The following KCNMA1 variants were observed in gnomAD, a reference collection of about 807,000 sequenced individuals.
KCNMA1 encodes Calcium-activated potassium channel subunit alpha-1.
KCNMA1 carries 29 observed loss-of-function variants against 140.0 expected under a neutral mutation model. The observed-to-expected ratio is 0.21, with a 90% CI of 0.15 to 0.28. KCNMA1 has a LOEUF of 0.28. Ranked by LOEUF, KCNMA1 falls within the 10% of genes least tolerant of loss-of-function variation. KCNMA1 has a pLI of 1.00. For synonymous variants in KCNMA1, 612 were observed against 611.9 expected, an observed-to-expected ratio of 1.00 and a Z score of 0.00; for missense variants, 880 against 1,602.2, an observed-to-expected ratio of 0.55 and a Z score of 7.70.
intron 1 of KCNMA1, among the ~76,000 whole-genome samples, chr10:77,430,940 A>G (rs528938588): frequency 7.2e-5 from 11 of 152,282 alleles, no homozygotes; most frequent in African/African-American, 1.7e-4. Flanking sequence ...CACCAACACA[A>G]TAAAGCCTCC....
At chr10:77,429,332 C>A (rs1160915940) in intron 1 of KCNMA1, among the ~76,000 whole-genome samples, 1 of 152,166 alleles carries the variant, frequency 6.6e-6, no homozygotes, top group East Asian at 1.9e-4. Context: ...GGGAGGCTGT[C>A]CTGTATATTG....
At chr10:77,324,429 T>C (rs2083272490) in intron 2 of KCNMA1, among the ~76,000 whole-genome samples, 1 of 152,160 alleles carries the variant, frequency 6.6e-6, no homozygotes, top group African/African-American at 2.4e-5. Context: ...AGAGCCTAGG[T>C]CTTAGCTTCT....
chr10:77,567,985 A>G (rs2069008167), intron 1 of KCNMA1, among the ~76,000 whole-genome samples: 1 of 152,252 alleles, frequency 6.6e-6, no homozygotes, highest in Non-Finnish European at 1.5e-5. Context: ...AAAATCTAGA[A>G]GAAATGGATA....
At chr10:76,977,620 G>T (rs1425595121) in intron 19 of KCNMA1, 2 of 702,854 alleles carry the variant, frequency 2.8e-6, no homozygotes, top group South Asian at 1.5e-5. Flanking sequence ...TCTCCACAAA[G>T]AACAATGTTC....
At chr10:77,251,562 T>C (rs2059669432) in intron 2 of KCNMA1, among the ~76,000 whole-genome samples, 1 of 152,176 alleles carries the variant, frequency 6.6e-6, no homozygotes, top group Non-Finnish European at 1.5e-5. Flanking sequence ...TTGATAAACT[T>C]CAGTGGGAAA....
intron 3 of KCNMA1, among the ~76,000 whole-genome samples, chr10:77,245,030 A>G (rs1373059082): frequency 1.3e-5 from 2 of 152,144 alleles, no homozygotes; most frequent in South Asian, 4.1e-4. Flanking sequence ...GCCTGGCAAT[A>G]AAAATGTCAG....
At chr10:77,088,003 G>C (rs1322476754) in intron 10 of KCNMA1, among the ~76,000 whole-genome samples, 1 of 152,026 alleles carries the variant, frequency 6.6e-6, no homozygotes, top group Non-Finnish European at 1.5e-5. Context: ...GTTTATCTCT[G>C]TCACACAGAC....
intron 20 of KCNMA1, among the ~76,000 whole-genome samples, chr10:76,968,815 G>A (rs754873993): frequency 3.9e-5 from 6 of 152,108 alleles, no homozygotes; most frequent in South Asian, 2.1e-4. Flanking sequence ...AGTCTTCCAC[G>A]GAAAACCTGT....
At chr10:76,894,015 A>G (rs2041412765) in intron 25 of KCNMA1, among the ~76,000 whole-genome samples, 3 of 152,172 alleles carry the variant, frequency 2.0e-5, no homozygotes, top group Non-Finnish European at 2.9e-5. Context: ...AAAATAGCCA[A>G]AGCAATCTTA....
chr10:77,371,980 T>C (rs1026410115), intron 2 of KCNMA1, among the ~76,000 whole-genome samples: 73 of 152,210 alleles, frequency 4.8e-4, no homozygotes, highest in African/African-American at 1.7e-3. Flanking sequence ...CTTACCTACC[T>C]TCACATAGTT....
intron 17 of KCNMA1, among the ~76,000 whole-genome samples, chr10:77,014,448 A>G (rs1397835269): frequency 2.0e-5 from 3 of 152,214 alleles, no homozygotes; most frequent in African/African-American, 7.2e-5. Flanking sequence ...AAAAAAAAAA[A>G]AAAATCTGTC....
intron 2 of KCNMA1, among the ~76,000 whole-genome samples, chr10:77,362,972 G>C (rs2094099069): frequency 1.3e-5 from 2 of 152,222 alleles, no homozygotes; most frequent in South Asian, 4.1e-4. Flanking sequence ...GAGATGCACA[G>C]CTGGCTTAGC....
intron 1 of KCNMA1, among the ~76,000 whole-genome samples, chr10:77,509,715 T>C (rs1023148722): frequency 3.3e-5 from 5 of 152,220 alleles, no homozygotes; most frequent in African/African-American, 4.8e-5. Flanking sequence ...TATGCTTTTA[T>C]GTATTTTCAG....
intron 1 of KCNMA1, among the ~76,000 whole-genome samples, chr10:77,452,519 G>T (rs1334516831): frequency 6.6e-6 from 1 of 152,208 alleles, no homozygotes; most frequent in Non-Finnish European, 1.5e-5. Flanking sequence ...TAGCTACTGG[G>T]ATAGTAATTA....
intron 2 of KCNMA1, among the ~76,000 whole-genome samples, chr10:77,305,465 G>C (rs1336249806): frequency 6.6e-6 from 1 of 152,138 alleles, no homozygotes; most frequent in African/African-American, 2.4e-5. Flanking sequence ...CACAAGCCAA[G>C]GAGTAGAGCT....
intron 1 of KCNMA1, among the ~76,000 whole-genome samples, chr10:77,524,512 G>GT (rs1374856181): frequency 6.6e-6 from 1 of 152,182 alleles, no homozygotes; most frequent in African/African-American, 2.4e-5. Context: ...CTCTTCAAAT[G>GT]TTTTGAAGTT....
At chr10:76,876,047 C>T (rs1172291189), downstream of KCNMA1, 7 of 152,556 alleles carry the variant, frequency 4.6e-5, no homozygotes, top group Admixed American at 3.9e-4. Flanking sequence ...GGAAGCACGA[C>T]TATATTGGCT....
chr10:76,939,720 A>G (rs2152808972), intron 23 of KCNMA1: 1 of 152,310 alleles, frequency 6.6e-6, no homozygotes, highest in Non-Finnish European at 1.5e-5. Context: ...CAACTACAAG[A>G]TCATCATTTC....
chr10:77,335,920 C>T, intron 2 of KCNMA1, among the ~76,000 whole-genome samples: 1 of 152,170 alleles, frequency 6.6e-6, no homozygotes, highest in East Asian at 1.9e-4. Context: ...CTTCATCAAC[C>T]TTGCCCTCCA....
Sources: gnomAD v4.1 joint callset for allele counts (sites outside exome capture counted in the v4.1 genomes callset) on GRCh38, gnomAD v4.1.1 for gene constraint, MANE v1.5 for transcripts, NCBI Gene and HGNC (gene_info 2026-07-23, HGNC 2026-07-21) for gene names.